ANKS6: variants seen among roughly 807,000 people sequenced by gnomAD.
ANKS6 encodes the protein ankyrin repeat and SAM domain-containing protein 6.
A neutral mutation model predicts 77.9 loss-of-function variants in ANKS6; 47 were observed. The observed-to-expected ratio is 0.60, with a 90% CI of 0.48 to 0.77. ANKS6 has a LOEUF of 0.77. Ranked by LOEUF, ANKS6 falls within the 30% of genes least tolerant of loss-of-function variation. The pLI is 0.00. For synonymous variants in ANKS6, 488 were observed against 501.7 expected, an observed-to-expected ratio of 0.97 and a Z score of 0.37; for missense variants, 1,150 against 1,159.1, an observed-to-expected ratio of 0.99 and a Z score of 0.11.
At chr9:98,751,668 T>C (rs542236316) in intron 12 of ANKS6, among the ~76,000 whole-genome samples, 5 of 152,042 alleles carry the variant, frequency 3.3e-5, no homozygotes, top group Middle Eastern at 3.4e-3. Flanking sequence ...ACAGGGAGAA[T>C]AAAGAAAAGG....
chr9:98,783,278 G>A (rs578173000), intron 4 of ANKS6, among the ~76,000 whole-genome samples: 9 of 152,122 alleles, frequency 5.9e-5, no homozygotes, highest in African/African-American at 1.2e-4. Flanking sequence ...ATAAAATTTC[G>A]TCTTGGAATT....
Position 98,749,515 on chromosome 9 carries a change from C to T in ANKS6, c.2394+1514G>A, listed in dbSNP as rs78752734. Among the ~76,000 whole-genome samples the T allele has an allele frequency of 7.1e-4, 108 of 152,304 alleles. 1 individual carries two copies. The East Asian group carries it at 0.012, about 17-fold the overall frequency. ...GAACGATGAAGGACAGGTGAACTCG[C>T]AGACATGCCAGGTCAGAAAAAGGGG... On this transcript the variant is annotated intron_variant, in intron 13 of 14. Coordinates refer to ENST00000353234, the MANE Select transcript of ANKS6 (RefSeq NM_173551.5).
intron 11 of ANKS6, among the ~76,000 whole-genome samples, chr9:98,761,741 G>A (rs796761690): frequency 3.7e-4 from 57 of 152,076 alleles, no homozygotes; most frequent in African/African-American, 1.1e-3. Flanking sequence ...TTTCTTGTGC[G>A]GGTCTATTTT....
At chr9:98,767,838 G>A (rs572013594) in intron 11 of ANKS6, among the ~76,000 whole-genome samples, 1 of 152,230 alleles carries the variant, frequency 6.6e-6, no homozygotes, top group African/African-American at 2.4e-5. Flanking sequence ...CAGGAAGTGG[G>A]TGTGTACCCT....
intron 14 of ANKS6, among the ~76,000 whole-genome samples, chr9:98,740,335 A>T (rs1216388122): frequency 2.6e-5 from 4 of 152,180 alleles, no homozygotes; most frequent in African/African-American, 7.2e-5. Context: ...AGATTCCATC[A>T]ACACAATCCA....
chr9:98,786,840 C>G (rs1834600882), intron 2 of ANKS6, among the ~76,000 whole-genome samples: 2 of 152,172 alleles, frequency 1.3e-5, no homozygotes, highest in South Asian at 4.1e-4. Context: ...ACAAGTTAAT[C>G]ACTGACAGCA....
rs142199678 is a variant in ANKS6, at chr9:98,754,544, A to C, written c.2326+1876T>G. Reference sequence around the variant, plus strand: ...GAGGTCCCAGCTACTTGGCAGGCTGAGGCAGGAGAATGGTGTGAACCCGGG... The same window carrying C: ...GAGGTCCCAGCTACTTGGCAGGCTGCGGCAGGAGAATGGTGTGAACCCGGG... On this transcript the variant is annotated intron_variant, in intron 12 of 14. Transcript: ENST00000353234. Among the ~76,000 whole-genome samples, 339 of 152,054 alleles carry C rather than the reference A, an allele frequency of 2.2e-3. 1 individual carries two copies. Among genetic ancestry groups the C allele is most frequent in the African/African-American group, 7.7e-3 (318 of 41,482 alleles).
Position 98,732,641 on chromosome 9 carries a change from T to C in ANKS6, c.*3878A>G, listed in dbSNP as rs1831263807. 3.2e-6 allele frequency: 5 copies of C among 1,544,370 alleles called. No homozygotes were observed. The highest frequency in any genetic ancestry group is 2.6e-6 in the Non-Finnish European group (3 of 1,144,918). On this transcript the variant is annotated 3_prime_UTR_variant, in exon 15 of 15. Coordinates refer to ENST00000353234, the MANE Select transcript of ANKS6 (RefSeq NM_173551.5). ...AACCATCTTTGAGGTTTCCCACATC[T>C]GCACCGCTCCACAGTGTGAAAAGGG...
chr9:98,788,703 A>C lies in ANKS6; in HGVS notation c.862+1401T>G, dbSNP rs148531413. On this transcript the variant is annotated intron_variant, in intron 2 of 14. Transcript: ENST00000353234. ...CATTTCACAGATGAGGCAAAGGCTC[A>C]GAAGAGTCATGTGTTAAACCAGCTT... Among the ~76,000 whole-genome samples, 4 of 152,252 alleles carry C rather than the reference A, an allele frequency of 2.6e-5. No individual in the cohort carries two copies. In the East Asian group the frequency reaches 5.8e-4, roughly 22 times the overall value.
Position 98,734,029 on chromosome 9 carries a change from C to T in ANKS6, c.*2490G>A. ...TCAGAAAAACAAGCACCCAACTGAC[C>T]CCTCCTCCCTGACGATCTATAACCT... On this transcript the variant is annotated 3_prime_UTR_variant, in exon 15 of 15. Transcript: ENST00000353234. The T allele has an allele frequency of 1.0e-6, 1 of 985,280 alleles. No individual in the cohort carries two copies. The highest frequency in any genetic ancestry group is 1.2e-6 in the Non-Finnish European group (1 of 829,944). 61.0% of individuals were successfully genotyped at this position (985,280 alleles called of 1,614,324 possible). A position where few individuals can be genotyped will look rare whatever the true frequency, so the allele number is the denominator to read the frequency against.
intron 10 of ANKS6, among the ~76,000 whole-genome samples, chr9:98,769,127 GA>G (rs367857301): frequency 0.038 from 3,949 of 102,948 alleles, 57 homozygotes; most frequent in Middle Eastern, 0.057. Flanking sequence ...CTGTCTCAAA[GA>G]AAAAAAAAAA....
Position 98,780,343 on chromosome 9 carries a change from G to A in ANKS6, c.1220-6C>T, listed in dbSNP as rs1371737147. The A allele has an allele frequency of 1.9e-6, 3 of 1,579,206 alleles. No individual in the cohort carries two copies. In the African/African-American group the frequency reaches 4.0e-5, roughly 21 times the overall value. ...CAGTCGAACAAGTTCCGTGTCTATG[G>A]ACACAAAAGGCATCATTTTACCTGC... On this transcript the variant is annotated splice_polypyrimidine_tract_variant and splice_region_variant and intron_variant, in intron 5 of 14. Coordinates refer to ENST00000353234, the MANE Select transcript of ANKS6 (RefSeq NM_173551.5).
intron 14 of ANKS6, among the ~76,000 whole-genome samples, chr9:98,743,934 C>A (rs1407770192): frequency 6.6e-6 from 1 of 151,980 alleles, no homozygotes; most frequent in Non-Finnish European, 1.5e-5. Flanking sequence ...GTTTCCTGGA[C>A]GATGCCCTTC....
At chr9:98,781,656 G>A (rs1834267484) in intron 5 of ANKS6, among the ~76,000 whole-genome samples, 1 of 152,182 alleles carries the variant, frequency 6.6e-6, no homozygotes, top group Admixed American at 6.5e-5. Flanking sequence ...CTGCAGCAGG[G>A]AAGGGGTGGC....
chr9:98,742,483 A>C (rs140263103), intron 14 of ANKS6, among the ~76,000 whole-genome samples: 1 of 152,224 alleles, frequency 6.6e-6, no homozygotes, highest in Non-Finnish European at 1.5e-5. Context: ...TCTCCTAAAC[A>C]TGCCTTTTCT....
intron 5 of ANKS6, among the ~76,000 whole-genome samples, chr9:98,780,933 G>A (rs1327437862): frequency 7.2e-6 from 1 of 139,282 alleles, no homozygotes; most frequent in African/African-American, 2.7e-5. Flanking sequence ...ACAGAGTCTT[G>A]CTCTGTCACC....
chr9:98,788,376 C>T (rs1047571979), intron 2 of ANKS6, among the ~76,000 whole-genome samples: 2 of 152,168 alleles, frequency 1.3e-5, no homozygotes, highest in African/African-American at 2.4e-5. Flanking sequence ...ATACCCTCCT[C>T]AGAGGGTCCC....
rs1302861081 is a variant in ANKS6 at position 98,790,004 on chromosome 9, C to CT, written c.862+99dup. 63 of 1,466,964 alleles carry CT rather than the reference C, an allele frequency of 4.3e-5. No individual in the cohort carries two copies. The African/African-American group carries it at 5.2e-4, about 12-fold the overall frequency. The allele number at this position is 1,466,964 out of a possible 1,614,324, so 90.9% of individuals were successfully genotyped here. A position where few individuals can be genotyped will look rare whatever the true frequency, so the allele number is the denominator to read the frequency against. On this transcript the variant is annotated intron_variant, in intron 2 of 14. Transcript: ENST00000353234. ...TCTCAGTGGTCTGCAGGGCTGGACT[C>CT]TGAGTTCTGCGTGTCCTTCCAGTAG...
chr9:98,744,481 G>A (rs1832013296), intron 14 of ANKS6, among the ~76,000 whole-genome samples: 1 of 152,198 alleles, frequency 6.6e-6, no homozygotes, highest in African/African-American at 2.4e-5. Context: ...GACAAGGTAA[G>A]TGTAAGGACA....
Sources: allele counts gnomAD v4.1 joint callset (sites outside exome capture counted in the v4.1 genomes callset), GRCh38; gene constraint gnomAD v4.1.1; transcripts MANE v1.5; gene names NCBI Gene and HGNC (gene_info 2026-07-23, HGNC 2026-07-21).